Variants in ANKS1B observed in about 807,000 individuals in gnomAD.
ANKS1B encodes the protein ankyrin repeat and sterile alpha motif domain containing 1B.
In ANKS1B, 36 loss-of-function variants were observed where a neutral mutation model predicts 148.3. The ratio of observed to expected loss-of-function variants is 0.24; its 90% confidence interval spans 0.19 to 0.32. The LOEUF (loss-of-function observed/expected upper bound fraction) is 0.32, where lower values mean the gene tolerates loss of function less well. Among genes scored for constraint, ANKS1B ranks in the 10% least tolerant of loss-of-function variants. The pLI, the probability that ANKS1B is intolerant of heterozygous loss-of-function variation, is 1.00. For synonymous variants in ANKS1B, 542 were observed against 560.8 expected (o/e 0.97, Z 0.47); for missense variants, 1,157 against 1,542.6 (o/e 0.75, Z 4.19).
At chr12:99,977,494 A>G (rs2095643771) in intron 1 of ANKS1B, among the ~76,000 whole-genome samples, 1 of 152,194 alleles carries the variant, frequency 6.6e-6, no homozygotes, top group East Asian at 1.9e-4. Flanking sequence ...AAATTTCAAC[A>G]TGAGTTTTGG....
chr12:99,259,997 T>C (rs1005172529), intron 12 of ANKS1B, among the ~76,000 whole-genome samples: 1 of 152,204 alleles, frequency 6.6e-6, no homozygotes, highest in East Asian at 1.9e-4. Flanking sequence ...CTTACCAAAA[T>C]GTATTTCTTT....
intron 17 of ANKS1B, among the ~76,000 whole-genome samples, chr12:99,000,092 AAG>A (rs976990159): frequency 2.0e-5 from 3 of 152,080 alleles, no homozygotes; most frequent in Non-Finnish European, 2.9e-5. Context: ...AGAGGAAAGG[AAG>A]AAGAGAAACA....
chr12:98,961,342 T>C (rs1012381992), intron 17 of ANKS1B, among the ~76,000 whole-genome samples: 16 of 152,172 alleles, frequency 1.1e-4, no homozygotes, highest in African/African-American at 3.9e-4. Flanking sequence ...ATATTTAATG[T>C]GCTGAAGGAA....
intron 10 of ANKS1B, among the ~76,000 whole-genome samples, chr12:99,478,594 ATGT>A (rs1310967706): frequency 6.6e-6 from 1 of 152,084 alleles, no homozygotes; most frequent in Non-Finnish European, 1.5e-5. Flanking sequence ...GTGACCTATG[ATGT>A]TCGGTACCAG....
intron 11 of ANKS1B, among the ~76,000 whole-genome samples, chr12:99,411,160 T>G (rs1245756855): frequency 3.3e-5 from 5 of 152,174 alleles, no homozygotes; most frequent in African/African-American, 4.8e-5. Context: ...ATGTTCAATT[T>G]TCCCATAAAC....
At chr12:99,190,926 A>C (rs897702715) in intron 14 of ANKS1B, among the ~76,000 whole-genome samples, 1 of 152,162 alleles carries the variant, frequency 6.6e-6, no homozygotes, top group African/African-American at 2.4e-5. Flanking sequence ...AATGGGAGAA[A>C]ATTTTTGCAA....
intron 10 of ANKS1B, among the ~76,000 whole-genome samples, chr12:99,478,288 T>C (rs891320926): frequency 3.3e-5 from 5 of 152,130 alleles, no homozygotes; most frequent in Non-Finnish European, 1.5e-5. Flanking sequence ...TAAAATATTT[T>C]AATTGCAATA....
intron 15 of ANKS1B, 117 bp downstream of exon 15, chr12:99,154,172 T>A (rs2075643785): frequency 7.8e-7 from 1 of 1,274,406 alleles, no homozygotes; most frequent in East Asian, 2.5e-5. Context: ...TCCAATGCAG[T>A]TACATATATA....
At chr12:98,893,085 T>C (rs2099756080) in intron 17 of ANKS1B, among the ~76,000 whole-genome samples, 1 of 152,178 alleles carries the variant, frequency 6.6e-6, no homozygotes, top group Non-Finnish European at 1.5e-5. Context: ...AAAATATTTG[T>C]AACAATGTTT....
chr12:99,007,387 CT>C (rs1420157047), intron 17 of ANKS1B, among the ~76,000 whole-genome samples: 3 of 152,136 alleles, frequency 2.0e-5, no homozygotes, highest in Admixed American at 2.0e-4. Flanking sequence ...ATAGCAGAAG[CT>C]TTTTTCCCCA....
At chr12:99,304,711 C>T (rs746574685) in intron 12 of ANKS1B, among the ~76,000 whole-genome samples, 20 of 152,054 alleles carry the variant, frequency 1.3e-4, no homozygotes, top group Non-Finnish European at 2.8e-4. Flanking sequence ...TCTGAGTGAT[C>T]TCTGTTTATC....
chr12:99,700,981 T>G (rs2054718451), intron 8 of ANKS1B, among the ~76,000 whole-genome samples: 1 of 152,196 alleles, frequency 6.6e-6, no homozygotes. Flanking sequence ...GCAAGAAACC[T>G]ACAAACTCTA....
chr12:99,668,705 C>A (rs2098521723), intron 8 of ANKS1B, among the ~76,000 whole-genome samples: 1 of 147,808 alleles, frequency 6.8e-6, no homozygotes, highest in Non-Finnish European at 1.5e-5. Context: ...AATTTTTCAG[C>A]CATTGTTTTT....
intron 12 of ANKS1B, among the ~76,000 whole-genome samples, chr12:99,370,659 T>C (rs2093078767): frequency 6.6e-6 from 1 of 152,192 alleles, no homozygotes; most frequent in African/African-American, 2.4e-5. Flanking sequence ...TACACTAGTT[T>C]CAGGGTGAAA....
chr12:99,051,084 A>AG (rs575541852), intron 17 of ANKS1B, among the ~76,000 whole-genome samples: 6 of 152,142 alleles, frequency 3.9e-5, no homozygotes, highest in Non-Finnish European at 4.4e-5. Context: ...CAGTAAAGCC[A>AG]GGGGCCGTGA....
At chr12:99,696,158 A>G (rs922927531) in intron 8 of ANKS1B, among the ~76,000 whole-genome samples, 3 of 152,222 alleles carry the variant, frequency 2.0e-5, no homozygotes, top group African/African-American at 7.2e-5. Context: ...AAATTTCACA[A>G]TTTATAAATT....
intron 16 of ANKS1B, among the ~76,000 whole-genome samples, chr12:99,065,168 G>A (rs1031024284): frequency 2.0e-5 from 3 of 152,040 alleles, no homozygotes; most frequent in African/African-American, 7.2e-5. Context: ...CATGTTTTCT[G>A]TCATTCATGC....
intron 9 of ANKS1B, chr12:99,648,756 A>G (rs2098398279): frequency 6.2e-7 from 1 of 1,613,196 alleles, no homozygotes; most frequent in Non-Finnish European, 8.5e-7. Flanking sequence ...CATTGGACTC[A>G]TCTGTGTTGG....
chr12:98,962,191 G>A (rs926885298), intron 17 of ANKS1B, among the ~76,000 whole-genome samples: 4 of 150,332 alleles, frequency 2.7e-5, no homozygotes, highest in African/African-American at 4.9e-5. Flanking sequence ...CAAGAAACCC[G>A]CTTCACCTAT....
Sources: gnomAD v4.1 joint callset for allele counts (sites outside exome capture counted in the v4.1 genomes callset) on GRCh38, gnomAD v4.1.1 for gene constraint, MANE v1.5 for transcripts, NCBI Gene and HGNC (gene_info 2026-07-23, HGNC 2026-07-21) for gene names.